Variants in VWA3B observed in about 807,000 individuals in gnomAD.
VWA3B encodes von Willebrand factor A domain containing 3B, also known as von Willebrand factor A domain-containing protein 3B.
A neutral mutation model predicts 158.3 loss-of-function variants in VWA3B; 138 were observed. The ratio of observed to expected loss-of-function variants is 0.87; its 90% CI spans 0.76 to 1.00. The LOEUF (loss-of-function observed/expected upper bound fraction) is 1.00, where lower values mean the gene tolerates loss of function less well. VWA3B is among the 50% of genes least tolerant of loss of function. The pLI is 0.00. For synonymous variants in VWA3B, 596 were observed against 587.3 expected, an observed-to-expected ratio of 1.01 and a Z score of -0.21; for missense variants, 1,555 against 1,565.1, an observed-to-expected ratio of 0.99 and a Z score of 0.11.
intron 2 of VWA3B, among the ~76,000 whole-genome samples, chr2:98,106,218 G>T (rs140843563): frequency 6.6e-6 from 1 of 152,000 alleles, no homozygotes; most frequent in African/African-American, 2.4e-5. Flanking sequence ...CCTGGCCCTA[G>T]GTTCTCTATT....
At chr2:98,179,365 A>G (rs1680277725) in intron 8 of VWA3B, 1 of 470,496 alleles carries the variant, frequency 2.1e-6, no homozygotes, top group South Asian at 1.6e-5. Context: ...GGAAAACACC[A>G]CGAGAATGTG....
chr2:98,151,653 T>C (rs550385868), intron 7 of VWA3B, among the ~76,000 whole-genome samples: 12 of 152,346 alleles, frequency 7.9e-5, no homozygotes, highest in African/African-American at 2.4e-4. Flanking sequence ...GAATCAACTT[T>C]GGGATCAGAC....
the VWA3B span, among the ~76,000 whole-genome samples, chr2:98,320,571 A>T: frequency 6.6e-6 from 1 of 152,228 alleles, no homozygotes; most frequent in African/African-American, 2.4e-5. Context: ...TGGACAATAA[A>T]GTCCAGGCTG....
downstream of VWA3B, among the ~76,000 whole-genome samples, chr2:98,314,066 G>C (rs1347857572): frequency 6.6e-6 from 1 of 152,200 alleles, no homozygotes; most frequent in African/African-American, 2.4e-5. Context: ...TGCTCTTTGA[G>C]AGATAAATGT....
chr2:98,095,839 G>T (rs1682670948), intron 2 of VWA3B, among the ~76,000 whole-genome samples: 1 of 152,128 alleles, frequency 6.6e-6, no homozygotes, highest in Admixed American at 6.5e-5. Flanking sequence ...GAGATATTGA[G>T]TTTTGTCAAA....
At chr2:98,139,428 CCT>C (rs1676563625) in intron 7 of VWA3B, among the ~76,000 whole-genome samples, 1 of 152,234 alleles carries the variant, frequency 6.6e-6, no homozygotes, top group Admixed American at 6.5e-5. Context: ...ACCTGAAGCC[CCT>C]GTGTGGGATC....
chr2:98,276,846 C>G (rs1261796441), intron 22 of VWA3B, among the ~76,000 whole-genome samples: 1 of 152,224 alleles, frequency 6.6e-6, no homozygotes, highest in East Asian at 1.9e-4. Flanking sequence ...CCGGGGCTTT[C>G]TGATACCCTC....
At chr2:98,294,439 G>A (rs927563637) in intron 23 of VWA3B, among the ~76,000 whole-genome samples, 1 of 152,236 alleles carries the variant, frequency 6.6e-6, no homozygotes, top group African/African-American at 2.4e-5. Context: ...TGGCCAGACT[G>A]GCTGTTGCCA....
chr2:98,300,267 T>C (rs1328007406), intron 25 of VWA3B, 51 bp downstream of exon 25: 2 of 1,606,700 alleles, frequency 1.2e-6, no homozygotes, highest in Non-Finnish European at 1.7e-6. Flanking sequence ...AATGCCAGGC[T>C]GTATCCTGGC....
intron 19 of VWA3B, among the ~76,000 whole-genome samples, chr2:98,242,958 T>C (rs1686173372): frequency 6.6e-6 from 1 of 151,820 alleles, no homozygotes; most frequent in African/African-American, 2.4e-5. Context: ...AAAACAGTTA[T>C]CACAAAACCT....
At chr2:98,158,816 C>A (rs1398770492) in intron 7 of VWA3B, among the ~76,000 whole-genome samples, 1 of 152,080 alleles carries the variant, frequency 6.6e-6, no homozygotes, top group Non-Finnish European at 1.5e-5. Flanking sequence ...GAGGACAGTG[C>A]TCTGACCGGG....
At chr2:98,265,200 C>G (rs1426432123) in intron 21 of VWA3B, among the ~76,000 whole-genome samples, 4 of 149,858 alleles carry the variant, frequency 2.7e-5, no homozygotes, top group Non-Finnish European at 4.4e-5. Context: ...CGCCTCCCCC[C>G]ACCCCACAAC....
Position 98,256,552 on chromosome 2 carries a change from G to A in VWA3B, c.2843+378G>A, listed in dbSNP as rs372434024. ...GTTCACCCAGGTATCAGTACTACAT[G>A]TGTATATATACACCACGTTTGTCTG... On this transcript the variant is annotated intron_variant, in intron 21 of 27. Transcript: ENST00000477737. Among the ~76,000 whole-genome samples, 9 of 152,250 alleles carry A rather than the reference G, an allele frequency of 5.9e-5. No homozygotes were observed. In the East Asian group the frequency reaches 1.2e-3, roughly 20 times the overall value.
chr2:98,097,283 T>C (rs1198564433), intron 2 of VWA3B, among the ~76,000 whole-genome samples: 2 of 152,146 alleles, frequency 1.3e-5, no homozygotes, highest in Non-Finnish European at 2.9e-5. Flanking sequence ...CAAATTCCAT[T>C]GTACCACCCT....
In VWA3B at chr2:98,297,937, A is replaced by C; in HGVS notation, c.3188A>C (p.Gln1063Pro). 1 of 1,579,620 alleles carries C rather than the reference A, an allele frequency of 6.3e-7. No homozygotes were observed. ...GTGAAGAAGTGTGTGAGCCGCACCC[A>C]AGCACTGGTGGGCTTCAGTTACGGA... ...GVVKKCVSRTQALVGFSYGDT... is the reference protein window; with the variant it reads ...GVVKKCVSRTPALVGFSYGDT... The change falls in exon 24 of 28, where the codon CAA becomes CCA. Residue 1063 changes from glutamine (Q) to proline (P), a missense_variant. Physicochemically the swap from Gln to Pro is moderately conservative, Grantham distance 76. Coordinates refer to ENST00000477737, the MANE Select transcript of VWA3B (RefSeq NM_144992.5).
the VWA3B span, among the ~76,000 whole-genome samples, chr2:98,324,761 A>G: frequency 6.6e-6 from 1 of 152,216 alleles, no homozygotes; most frequent in African/African-American, 2.4e-5. Flanking sequence ...TAACCCTGAG[A>G]TGATCCAGCT....
chr2:98,202,925 C>G (rs1682686264), intron 12 of VWA3B, among the ~76,000 whole-genome samples: 1 of 152,044 alleles, frequency 6.6e-6, no homozygotes, highest in Non-Finnish European at 1.5e-5. Context: ...CTCCACCTCC[C>G]AGGTTCAAGC....
At chr2:98,309,651 A>G (rs1307149225) in intron 26 of VWA3B, among the ~76,000 whole-genome samples, 1 of 152,208 alleles carries the variant, frequency 6.6e-6, no homozygotes, top group Non-Finnish European at 1.5e-5. Flanking sequence ...GTGGACTCAC[A>G]TTGTCTCCTG....
chr2:98,178,262 G>A lies in VWA3B; in HGVS notation c.1115-2754G>A, dbSNP rs536360298. ...CATGGAAAAGCCAGCTCCAGGTGTC[G>A]GGGATGCTGCTCTGAGGGGCTTTTG... On this transcript the variant is annotated intron_variant, in intron 8 of 27. Transcript: ENST00000477737. Among the ~76,000 whole-genome samples the A allele has an allele frequency of 7.9e-4, 120 of 152,214 alleles. 4 individuals carry two copies. The South Asian group carries it at 0.024, about 30-fold the overall frequency.
Sources: allele counts gnomAD v4.1 joint callset (sites outside exome capture counted in the v4.1 genomes callset), GRCh38; gene constraint gnomAD v4.1.1; transcripts MANE v1.5; gene names NCBI Gene and HGNC (gene_info 2026-07-23, HGNC 2026-07-21).